Variants in MBNL1 observed in about 807,000 individuals in gnomAD.
MBNL1 encodes the protein muscleblind-like protein 1.
A neutral mutation model predicts 42.2 loss-of-function variants in MBNL1; 8 were observed. That is an observed-to-expected ratio of 0.19 (90% CI 0.11 to 0.34). The LOEUF (loss-of-function observed/expected upper bound fraction) is 0.34, where lower values mean the gene tolerates loss of function less well. Among genes scored for constraint, MBNL1 ranks in the 10% least tolerant of loss-of-function variants. The pLI is 1.00. For missense variants in MBNL1, 309 were observed against 495.3 expected, an observed-to-expected ratio of 0.62 and a Z score of 3.57; for synonymous variants, 169 against 173.9, an observed-to-expected ratio of 0.97 and a Z score of 0.22.
chr3:152,284,939 A>G (rs1444383332), intron 1 of MBNL1, among the ~76,000 whole-genome samples: 1 of 152,164 alleles, frequency 6.6e-6, no homozygotes, highest in East Asian at 1.9e-4. Context: ...CTAGAACTTC[A>G]TAATCTATTC....
intron 2 of MBNL1, among the ~76,000 whole-genome samples, chr3:152,315,898 C>G (rs2070872094): frequency 6.6e-6 from 1 of 151,984 alleles, no homozygotes; most frequent in South Asian, 2.1e-4. Context: ...ACTCCTCTCT[C>G]TCTCACACAC....
At chr3:152,312,430 T>C (rs192531833) in intron 2 of MBNL1, among the ~76,000 whole-genome samples, 6 of 152,322 alleles carry the variant, frequency 3.9e-5, no homozygotes, top group Admixed American at 3.3e-4. Context: ...GACAGCCAAT[T>C]AGAAATATAT....
intron 2 of MBNL1, among the ~76,000 whole-genome samples, chr3:152,262,090 A>C (rs2036391267): frequency 6.6e-6 from 1 of 152,146 alleles, no homozygotes; most frequent in African/African-American, 2.4e-5. Flanking sequence ...AGACTTAATA[A>C]CTTCTTTATC....
chr3:152,465,262 A>G lies in MBNL1; in HGVS notation c.*2896A>G, dbSNP rs2153991743. On this transcript the variant is annotated 3_prime_UTR_variant, in exon 10 of 10. Transcript: ENST00000324210. Reference sequence around the variant, plus strand: ...ATATTATTCAGATCAGTTTCTGCCAATTTCAGTGGTTTATTGTTCACAAAA... The same window carrying G: ...ATATTATTCAGATCAGTTTCTGCCAGTTTCAGTGGTTTATTGTTCACAAAA... The G allele has an allele frequency of 6.6e-6, 1 of 152,348 alleles. No homozygotes were observed. Among genetic ancestry groups the G allele is most frequent in the South Asian group, 2.1e-4 (1 of 4,830 alleles). The allele number at this position is 152,348 out of a possible 1,614,324, so 9.4% of individuals were successfully genotyped here. A position where few individuals can be genotyped will look rare whatever the true frequency, so the allele number is the denominator to read the frequency against.
intron 2 of MBNL1, among the ~76,000 whole-genome samples, chr3:152,303,660 A>T (rs529463835): frequency 6.6e-6 from 1 of 152,260 alleles, no homozygotes; most frequent in East Asian, 1.9e-4. Flanking sequence ...TCTCAACTAA[A>T]ATTTGGGGAG....
At chr3:152,255,073 C>T (rs2035256608) in intron 2 of MBNL1, among the ~76,000 whole-genome samples, 1 of 151,952 alleles carries the variant, frequency 6.6e-6, no homozygotes, top group African/African-American at 2.4e-5. Flanking sequence ...ATGATGCAGT[C>T]CTAAGCCAGA....
chr3:152,437,131 C>T (rs1336863796), intron 4 of MBNL1, among the ~76,000 whole-genome samples: 1 of 152,170 alleles, frequency 6.6e-6, no homozygotes, highest in Non-Finnish European at 1.5e-5. Context: ...GGTCATTTGG[C>T]ATTTAAATGT....
chr3:152,318,580 G>T (rs1463400897), intron 2 of MBNL1, among the ~76,000 whole-genome samples: 1 of 152,118 alleles, frequency 6.6e-6, no homozygotes, highest in African/African-American at 2.4e-5. Flanking sequence ...TTGATTGATG[G>T]AGAATCATTT....
intron 2 of MBNL1, among the ~76,000 whole-genome samples, chr3:152,329,039 CAG>C (rs536247431): frequency 5.2e-4 from 79 of 151,862 alleles, no homozygotes; most frequent in African/African-American, 1.9e-3. Flanking sequence ...GAAAAACTGA[CAG>C]AGTAGAATAA....
chr3:152,457,613 T>C (rs893800768), intron 8 of MBNL1: 1 of 152,362 alleles, frequency 6.6e-6, no homozygotes, highest in African/African-American at 2.4e-5. Context: ...CTTGTCAAAA[T>C]AGCCCTGGGT....
intron 4 of MBNL1, among the ~76,000 whole-genome samples, chr3:152,434,098 A>G (rs186552582): frequency 1.3e-5 from 2 of 152,326 alleles, no homozygotes; most frequent in Admixed American, 6.5e-5. Context: ...AGGTTTTTAT[A>G]TAGGTAAACT....
At chr3:152,436,875 A>C (rs1045987137) in intron 4 of MBNL1, among the ~76,000 whole-genome samples, 5 of 152,182 alleles carry the variant, frequency 3.3e-5, no homozygotes, top group African/African-American at 4.8e-5. Flanking sequence ...AATCCTGCTG[A>C]TCTAAATGCT....
At chr3:152,399,269 T>C (rs1274481804) in intron 2 of MBNL1, among the ~76,000 whole-genome samples, 2 of 152,166 alleles carry the variant, frequency 1.3e-5, no homozygotes, top group East Asian at 1.9e-4. Flanking sequence ...TGCCTTGCCT[T>C]CTTCTTCCTT....
At chr3:152,331,234 T>C (rs925373305) in intron 2 of MBNL1, among the ~76,000 whole-genome samples, 1 of 151,888 alleles carries the variant, frequency 6.6e-6, no homozygotes, top group Non-Finnish European at 1.5e-5. Flanking sequence ...CCCCTGGGCA[T>C]AACTGAATAG....
upstream of MBNL1, chr3:152,265,591 T>C (rs2037101129): frequency 6.6e-6 from 1 of 152,244 alleles, no homozygotes; most frequent in South Asian, 2.1e-4. Context: ...TCTTTATCTT[T>C]ATTATTGGTA....
intron 3 of MBNL1, among the ~76,000 whole-genome samples, chr3:152,424,057 T>C (rs1222119932): frequency 6.6e-6 from 1 of 152,154 alleles, no homozygotes; most frequent in Non-Finnish European, 1.5e-5. Context: ...CTATTCAACA[T>C]AGTATTGGAA....
intron 4 of MBNL1, among the ~76,000 whole-genome samples, chr3:152,437,737 G>A (rs764479011): frequency 1.3e-4 from 19 of 150,890 alleles, no homozygotes; most frequent in Admixed American, 4.0e-4. Flanking sequence ...TCTTTTAAAA[G>A]ACTTTGTTGC....
chr3:152,335,486 G>T (rs1412370508), intron 2 of MBNL1, among the ~76,000 whole-genome samples: 1 of 152,178 alleles, frequency 6.6e-6, no homozygotes, highest in Non-Finnish European at 1.5e-5. Flanking sequence ...TACTTCAGTA[G>T]ATGGAGCATA....
chr3:152,382,147 T>G (rs2097203023), intron 2 of MBNL1, among the ~76,000 whole-genome samples: 1 of 152,044 alleles, frequency 6.6e-6, no homozygotes, highest in African/African-American at 2.4e-5. Flanking sequence ...TGAAATAGTT[T>G]TCCTTTAAAC....
Sources: gnomAD v4.1 joint callset for allele counts (sites outside exome capture counted in the v4.1 genomes callset) on GRCh38, gnomAD v4.1.1 for gene constraint, MANE v1.5 for transcripts, NCBI Gene and HGNC (gene_info 2026-07-23, HGNC 2026-07-21) for gene names.